EIF2S3: variants seen among roughly 807,000 people sequenced by gnomAD.
EIF2S3 encodes the protein eukaryotic translation initiation factor 2 subunit 3.
Under a neutral mutation model 31.7 loss-of-function variants are expected in EIF2S3, and 2 were observed. The observed-to-expected ratio is 0.06, with a 90% confidence interval of 0.03 to 0.20. The LOEUF (loss-of-function observed/expected upper bound fraction) is 0.20, where lower values mean the gene tolerates loss of function less well. Among genes scored for constraint, EIF2S3 ranks in the 10% least tolerant of loss-of-function variants. EIF2S3 has a pLI of 1.00. For synonymous variants in EIF2S3, 120 were observed against 126.7 expected (o/e 0.95, Z 0.36); for missense variants, 96 against 359.3 (o/e 0.27, Z 5.92).
intron 4 of EIF2S3, 51 bp downstream of exon 4, chrX:24,057,805 G>A: frequency 8.7e-7 from 1 of 1,145,724 alleles, no homozygotes; most frequent in Non-Finnish European, 1.2e-6. Flanking sequence ...ATTGTCTTCT[G>A]TTTTGTGCTT....
chrX:24,061,326 G>T (rs923115524), intron 5 of EIF2S3, among the ~76,000 whole-genome samples: 1 of 108,613 alleles, frequency 9.2e-6, no homozygotes, highest in Non-Finnish European at 1.9e-5. Context: ...GGAGGCCAAG[G>T]CAGGTGGATC....
chrX:24,057,832 G>A, intron 4 of EIF2S3, 78 bp downstream of exon 4: 1 of 1,042,594 alleles, frequency 9.6e-7, no homozygotes, highest in Admixed American at 3.2e-5. Flanking sequence ...ATATCGAGGT[G>A]TTAAACGGTG....
At chrX:24,070,439 G>GTTGTTT (rs1555984478) in intron 9 of EIF2S3, among the ~76,000 whole-genome samples, 9 of 50,977 alleles carry the variant, frequency 1.8e-4, no homozygotes, top group African/African-American at 7.7e-4. Flanking sequence ...ATCATATGTA[G>GTTGTTT]TTTTTTTTTT....
Position 24,062,567 on chromosome X carries a change from T to C in EIF2S3, c.630T>C (p.Phe210=), listed in dbSNP as rs747477615. 2.4e-5 allele frequency: 29 copies of C among 1,207,593 alleles called. No homozygotes were observed. In the South Asian group the frequency reaches 5.0e-4, roughly 21 times the overall value. ...AKEQYEQILA[F]VQGTVAEGAP... ...AACAATACGAGCAGATCCTTGCATT[T>C]GTCCAAGGTAAGAAGCCATAATATG... The change falls in exon 6 of 12, where the codon TTT becomes TTC. Residue 210 remains phenylalanine (F), a synonymous_variant. Transcript: ENST00000253039.
At chrX:24,067,925 G>T in intron 8 of EIF2S3, 39 bp from the exon 9 acceptor site, 1 of 1,134,767 alleles carries the variant, frequency 8.8e-7, no homozygotes, top group Non-Finnish European at 1.2e-6. Flanking sequence ...ATAATTTTGC[G>T]TAACACAGTA....
chrX:24,059,531 T>C (rs1410063561), intron 4 of EIF2S3, among the ~76,000 whole-genome samples: 1 of 109,726 alleles, frequency 9.1e-6, no homozygotes, highest in African/African-American at 3.3e-5. Flanking sequence ...CAAGCGATTC[T>C]CCTGCCTCAG....
intron 9 of EIF2S3, 100 bp from the exon 10 acceptor site, chrX:24,071,458 G>C: frequency 1.1e-6 from 1 of 918,849 alleles, no homozygotes; most frequent in Non-Finnish European, 1.5e-6. Flanking sequence ...CCAAAGTGCT[G>C]GGATTACAGG....
intron 11 of EIF2S3, among the ~76,000 whole-genome samples, chrX:24,075,410 G>T (rs1930739166): frequency 9.0e-6 from 1 of 110,856 alleles, no homozygotes; most frequent in African/African-American, 3.3e-5. Flanking sequence ...TATTGAGTTT[G>T]CCCCTTGCTT....
Position 24,076,924 on chromosome X carries a change from CTCTTT to C in EIF2S3, c.*141_*145del, listed in dbSNP as rs1209395867. 2.3e-3 allele frequency: 266 copies of C among 116,840 alleles called. 2 individuals are homozygous for C. The highest frequency in any genetic ancestry group is 2.6e-3 in the Non-Finnish European group (190 of 72,683). The allele number at this position is 116,840 out of a possible 1,213,427, so 9.6% of individuals were successfully genotyped here. Reference sequence around the variant, plus strand: ...CTTAGTAGGTAACGGTAAGGTTATTCTCTTTTTTTTTTTTTTTTTTTTTGGTTATG... The same window carrying C: ...CTTAGTAGGTAACGGTAAGGTTATTCTTTTTTTTTTTTTTTTTTGGTTATG... On this transcript the variant is annotated 3_prime_UTR_variant, in exon 12 of 12. Transcript: ENST00000253039.
intron 11 of EIF2S3, chrX:24,073,477 G>A: frequency 6.0e-6 from 2 of 334,144 alleles, no homozygotes; most frequent in East Asian, 1.1e-4. Flanking sequence ...TGGATCATGA[G>A]GTCAGGAGAT....
At chrX:24,062,031 C>T (rs1456465800) in intron 5 of EIF2S3, among the ~76,000 whole-genome samples, 6 of 111,612 alleles carry the variant, frequency 5.4e-5, no homozygotes, top group Non-Finnish European at 1.1e-4. Flanking sequence ...GCAATAATAT[C>T]TTCCTTATTA....
At chrX:24,059,416 T>G (rs766146697) in intron 4 of EIF2S3, among the ~76,000 whole-genome samples, 2 of 103,227 alleles carry the variant, frequency 1.9e-5, no homozygotes, top group Admixed American at 2.1e-4. Flanking sequence ...TGGAAAATTG[T>G]TTTTTTTTTT....
rs60097710 is a variant in EIF2S3, at chrX:24,074,907, C to T, written c.1355+1644C>T. On this transcript the variant is annotated intron_variant, in intron 11 of 11. Transcript: ENST00000253039. The stretch of plus-strand genomic sequence containing the variant: ...TTGAGATGGAGTCTTGCTTTGTCGC[C>T]GGGGTAGAATGCAGTGGCATGATCT... Among the ~76,000 whole-genome samples the T allele has an allele frequency of 2.9e-3, 202 of 69,712 alleles. No individual in the cohort carries two copies. The Middle Eastern group carries it at 0.039, about 13-fold the overall frequency. 60.5% of individuals were successfully genotyped at this position (69,712 alleles called of 115,157 possible).
At chrX:24,069,765 G>A (rs1386302199) in intron 9 of EIF2S3, among the ~76,000 whole-genome samples, 2 of 91,786 alleles carry the variant, frequency 2.2e-5, no homozygotes, top group African/African-American at 8.5e-5. Context: ...ATCTCGGCTC[G>A]CTGCAACCTT....
In EIF2S3 at chrX:24,070,439, G is replaced by GTTTTTT. The variant is rs768908773; in HGVS notation, c.1013-1101_1013-1096dup. On this transcript the variant is annotated intron_variant, in intron 9 of 11. Transcript: ENST00000253039. ...AAGTAGATCCCAGGAATCATATGTA[G>GTTTTTT]TTTTTTTTTTTTTTTTTTTTTTTGA... 3.7e-4 allele frequency among the ~76,000 whole-genome samples: 19 copies of GTTTTTT among 50,976 alleles called. 2 individuals carry two copies. The highest frequency in any genetic ancestry group is 8.6e-4 in the African/African-American group (10 of 11,654). 44.3% of individuals were successfully genotyped at this position (50,976 alleles called of 115,157 possible).
rs908298239 is a variant in EIF2S3 at position 24,055,040 on chromosome X, G to A, written c.69+3G>A. The A allele has an allele frequency of 8.3e-7, 1 of 1,211,193 alleles. No individual in the cohort carries two copies. Among genetic ancestry groups the A allele is most frequent in the African/African-American group, 1.7e-5 (1 of 57,851 alleles). On this transcript the variant is annotated splice_donor_region_variant and intron_variant, in intron 1 of 11. Coordinates refer to ENST00000253039, the MANE Select transcript of EIF2S3 (RefSeq NM_001415.4). Reference sequence around the variant, plus strand: ...CGCGTCAGGATCTCACCACCTTGGTGAGGTTTTGCTTGGGGAGGATGCAGA... The same window carrying A: ...CGCGTCAGGATCTCACCACCTTGGTAAGGTTTTGCTTGGGGAGGATGCAGA...
intron 11 of EIF2S3, among the ~76,000 whole-genome samples, chrX:24,074,876 T>C (rs2147132162): frequency 1.2e-5 from 1 of 82,772 alleles, no homozygotes; most frequent in African/African-American, 4.5e-5. Flanking sequence ...TTTTTTTTTT[T>C]TTTTTTTGAG....
At position 24,066,075 on chromosome X, in the gene EIF2S3, C is replaced by T. The variant is rs1371516433; in HGVS notation, c.850C>T (p.Leu284=). The stretch of plus-strand genomic sequence containing the variant: ...GGGAGGTGTAGCTGGTGGTAGTATC[C>T]TAAAAGGAGTATTAAAGGTAAAATG... ...LKGGVAGGSI[L]KGVLKVGQEI... The change falls in exon 8 of 12, where the codon CTA becomes TTA. Residue 284 remains leucine (L), a synonymous_variant. Transcript: ENST00000253039. 9 of 1,178,044 alleles carry T rather than the reference C, an allele frequency of 7.6e-6. No individual in the cohort carries two copies. Among genetic ancestry groups the T allele is most frequent in the Non-Finnish European group, 9.1e-6 (8 of 879,140 alleles).
chrX:24,060,948 CAAAAAAAAAAAAAAA>C (rs35873085), intron 5 of EIF2S3, among the ~76,000 whole-genome samples: 1 of 24,322 alleles, frequency 4.1e-5, no homozygotes, highest in Non-Finnish European at 6.3e-5. Flanking sequence ...AACTACATCT[CAAAAAAAAAAAAAAA>C]AAAAAAAAGC....
Sources: allele counts gnomAD v4.1 joint callset (sites outside exome capture counted in the v4.1 genomes callset), GRCh38; gene constraint gnomAD v4.1.1; transcripts MANE v1.5; gene names NCBI Gene and HGNC (gene_info 2026-07-23, HGNC 2026-07-21).